The following COL6A3 variants were observed in gnomAD, a reference collection of about 807,000 sequenced individuals.
COL6A3 encodes collagen type VI alpha 3 chain.
Under a neutral mutation model 274.1 loss-of-function variants are expected in COL6A3, and 137 were observed. The observed-to-expected ratio is 0.50, with a 90% CI of 0.44 to 0.58. COL6A3 has a LOEUF of 0.58. Among genes scored for constraint, COL6A3 ranks in the 20% least tolerant of loss-of-function variants. The pLI is 0.00. For synonymous variants in COL6A3, 1,650 were observed against 1,650.6 expected (o/e 1.00, Z 0.01); for missense variants, 3,950 against 4,124.9 (o/e 0.96, Z 1.16).
At chr2:237,358,945 C>T in intron 20 of COL6A3, 90 bp downstream of exon 20, 1 of 1,458,744 alleles carries the variant, frequency 6.9e-7, no homozygotes, top group Non-Finnish European at 9.6e-7. Context: ...AGGAAGCGGG[C>T]TTGATGTATA....
intron 4 of COL6A3, among the ~76,000 whole-genome samples, chr2:237,382,067 C>T (rs952813553): frequency 4.6e-5 from 7 of 152,120 alleles, no homozygotes; most frequent in African/African-American, 1.4e-4. Context: ...CAGCAAGTGC[C>T]GCAAACATTT....
At chr2:237,391,744 C>G (rs1450184636) in intron 3 of COL6A3, among the ~76,000 whole-genome samples, 2 of 152,154 alleles carry the variant, frequency 1.3e-5, no homozygotes, top group East Asian at 3.9e-4. Flanking sequence ...AGGCTGGTCT[C>G]AAACTCCTGA....
At chr2:237,401,769 C>T (rs1249066840) in intron 1 of COL6A3, among the ~76,000 whole-genome samples, 1 of 152,014 alleles carries the variant, frequency 6.6e-6, no homozygotes, top group African/African-American at 2.4e-5. Context: ...ACTGCAGCCT[C>T]AACCTCCCAG....
intron 3 of COL6A3, among the ~76,000 whole-genome samples, chr2:237,393,036 G>A (rs562534197): frequency 6.6e-6 from 1 of 152,234 alleles, no homozygotes; most frequent in East Asian, 1.9e-4. Context: ...AGGTCTCCTG[G>A]CCCATTCCAG....
chr2:237,387,721 G>A lies in COL6A3; in HGVS notation c.1173C>T (p.His391=), dbSNP rs2078181943. 1 of 1,613,974 alleles carries A rather than the reference G, an allele frequency of 6.2e-7. No individual in the cohort carries two copies. Among genetic ancestry groups the A allele is most frequent in the Non-Finnish European group, 8.5e-7 (1 of 1,179,976 alleles). ...AQAASRAELQ[H]IATDDNLVFT... ...ACACCAAGTTGTCATCGGTAGCTAT[G>A]TGCTGAAGCTCTGCCCTGGAGGCGG... is the stretch of plus-strand genomic sequence containing the variant. Residue 391 remains histidine (H), a synonymous_variant, in exon 4 of 44, where the codon CAC becomes CAT. Transcript: ENST00000295550.
chr2:237,376,724 T>C (rs770579027), intron 7 of COL6A3, 48 bp downstream of exon 7: 17 of 1,582,778 alleles, frequency 1.1e-5, no homozygotes, highest in Non-Finnish European at 1.5e-5. Flanking sequence ...CCTCAACTCA[T>C]GCATTAGAGA....
intron 13 of COL6A3, among the ~76,000 whole-genome samples, chr2:237,363,742 T>G (rs2077488468): frequency 6.6e-6 from 1 of 152,118 alleles, no homozygotes; most frequent in Non-Finnish European, 1.5e-5. Flanking sequence ...AATCAGATAA[T>G]AGCAGCCTCA....
chr2:237,351,787 G>T (rs185894227), intron 26 of COL6A3, among the ~76,000 whole-genome samples: 1 of 152,180 alleles, frequency 6.6e-6, no homozygotes, highest in Non-Finnish European at 1.5e-5. Context: ...TTTTAAAAAC[G>T]TCTAAAGATA....
rs200111289 is a variant in COL6A3 at position 237,336,295 on chromosome 2, C to T, written c.8805G>A (p.Ala2935=). 2.7e-5 allele frequency: 44 copies of T among 1,613,116 alleles called. No homozygotes were observed. The Admixed American group carries it at 4.5e-4, about 17-fold the overall frequency. ...TKMATVRPPV[A]VKPATAAKPV... Reference sequence around the variant, plus strand: ...GCTTCGCTGCCGTTGCTGGCTTCACCGCCACTGGGGGTCTAACAGTGGCCA... The same window carrying T: ...GCTTCGCTGCCGTTGCTGGCTTCACTGCCACTGGGGGTCTAACAGTGGCCA... Residue 2935 remains alanine, a synonymous_variant, in exon 40 of 44, where the codon GCG becomes GCA. Transcript: ENST00000295550.
Position 237,324,815 on chromosome 2 carries a change from C to T in COL6A3, c.9494-1G>A. 1 of 1,613,408 alleles carries T rather than the reference C, an allele frequency of 6.2e-7. No individual in the cohort carries two copies. On this transcript the variant is annotated splice_acceptor_variant, in intron 43 of 43. Transcript: ENST00000295550. LOFTEE classifies it high-confidence loss of function. Reference sequence around the variant, plus strand: ...CTGATGACTCCGGGTTTGGCGAGCACTGAGCGTCGAGAGAGGGGGTGGGTG... The same window carrying T: ...CTGATGACTCCGGGTTTGGCGAGCATTGAGCGTCGAGAGAGGGGGTGGGTG...
Position 237,394,381 on chromosome 2 carries a change from A to G in COL6A3, c.709+206T>C, listed in dbSNP as rs143238000. ...GAAAATATTAGTTGTTTAAAAAAAGACTCTTCTTGTATGTAGGTGAATGCC... is the reference window on the plus strand; with the variant it reads ...GAAAATATTAGTTGTTTAAAAAAAGGCTCTTCTTGTATGTAGGTGAATGCC... On this transcript the variant is annotated intron_variant, in intron 3 of 43. Coordinates refer to ENST00000295550, the MANE Select transcript of COL6A3 (RefSeq NM_004369.4). Among the ~76,000 whole-genome samples, 9 of 152,308 alleles carry G rather than the reference A, an allele frequency of 5.9e-5. No individual in the cohort carries two copies. In the East Asian group the frequency reaches 1.2e-3, roughly 20 times the overall value.
At chr2:237,401,755 G>A (rs2106397816) in intron 1 of COL6A3, among the ~76,000 whole-genome samples, 1 of 151,938 alleles carries the variant, frequency 6.6e-6, no homozygotes, top group Non-Finnish European at 1.5e-5. Flanking sequence ...CACGATCACA[G>A]CTCACTGCAG....
intron 1 of COL6A3, among the ~76,000 whole-genome samples, chr2:237,402,143 A>G (rs1389095014): frequency 6.6e-6 from 1 of 152,168 alleles, no homozygotes; most frequent in Admixed American, 6.5e-5. Flanking sequence ...GCATTACTTT[A>G]TAATTCCATT....
In COL6A3 at chr2:237,348,330, C is replaced by A. The variant is rs369486630; in HGVS notation, c.6966+19G>T. 57 of 1,602,540 alleles carry A rather than the reference C, an allele frequency of 3.6e-5. No homozygotes were observed. The highest frequency in any genetic ancestry group is 4.6e-5 in the Non-Finnish European group (54 of 1,169,592). ...ATCCCAAAATCATGATGATGCTTCA[C>A]CGACCAGGGATTATTTACCTTTGGT... On this transcript the variant is annotated intron_variant, in intron 30 of 43. Coordinates refer to ENST00000295550, the MANE Select transcript of COL6A3 (RefSeq NM_004369.4).
intron 40 of COL6A3, 128 bp from the exon 41 acceptor site, chr2:237,335,017 G>T: frequency 9.4e-7 from 1 of 1,066,582 alleles, no homozygotes; most frequent in Non-Finnish European, 1.4e-6. Flanking sequence ...CTGAGGCGGG[G>T]AACTAATTTC....
chr2:237,358,432 C>CA, intron 21 of COL6A3, 89 bp downstream of exon 21: 2 of 1,119,804 alleles, frequency 1.8e-6, no homozygotes. Context: ...AAAGCAATTT[C>CA]AAAAGTAGAA....
chr2:237,360,216 G>A (rs2077403984), intron 16 of COL6A3, 57 bp from the exon 17 acceptor site: 1 of 1,546,470 alleles, frequency 6.5e-7, no homozygotes, highest in African/African-American at 1.4e-5. Context: ...CCCTTTCTCT[G>A]CCGGGCTTGC....
intron 14 of COL6A3, among the ~76,000 whole-genome samples, chr2:237,362,695 A>G (rs1185926276): frequency 6.6e-6 from 1 of 152,080 alleles, no homozygotes; most frequent in African/African-American, 2.4e-5. Flanking sequence ...TCAGCCCCAC[A>G]TCTTCCAAAA....
At chr2:237,353,229 T>A in intron 25 of COL6A3, 112 bp downstream of exon 25, 1 of 1,023,416 alleles carries the variant, frequency 9.8e-7, no homozygotes, top group Non-Finnish European at 1.5e-6. Flanking sequence ...CAAATGCCAC[T>A]GGATTGTTCA....
Sources: gnomAD v4.1 joint callset for allele counts (sites outside exome capture counted in the v4.1 genomes callset) on GRCh38, gnomAD v4.1.1 for gene constraint, MANE v1.5 for transcripts, NCBI Gene and HGNC (gene_info 2026-07-23, HGNC 2026-07-21) for gene names.